Variants in STXBP5L observed in about 807,000 individuals in gnomAD.
STXBP5L encodes the protein syntaxin-binding protein 5-like.
STXBP5L carries 65 observed loss-of-function variants against 144.5 expected under a neutral mutation model. The observed-to-expected ratio is 0.45, with a 90% CI of 0.37 to 0.55. The LOEUF (loss-of-function observed/expected upper bound fraction) is 0.55. STXBP5L is among the 20% of genes least tolerant of loss of function. The pLI, the probability that STXBP5L is intolerant of heterozygous loss-of-function variation, is 0.00. For missense variants in STXBP5L, 1,298 were observed against 1,405.5 expected, an observed-to-expected ratio of 0.92 and a Z score of 1.22; for synonymous variants, 505 against 469.6, an observed-to-expected ratio of 1.08 and a Z score of -0.97.
intron 9 of STXBP5L, among the ~76,000 whole-genome samples, chr3:121,172,773 G>A (rs1375183075): frequency 1.3e-5 from 2 of 152,198 alleles, no homozygotes; most frequent in South Asian, 2.1e-4. Flanking sequence ...ACCCTGTGGT[G>A]ATTCCTCAAG....
Position 120,978,874 on chromosome 3 carries a change from C to T in STXBP5L, c.287+23837C>T, listed in dbSNP as rs532302952. The stretch of plus-strand genomic sequence containing the variant: ...CAGAACAGCAGATTTTCGTGAACCG[C>T]GAATGCTGCTGTCTGATCGTTCCTC... On this transcript the variant is annotated intron_variant, in intron 3 of 26. Transcript: ENST00000471454. Among the ~76,000 whole-genome samples the T allele has an allele frequency of 4.0e-3, 610 of 152,242 alleles. 2 individuals carry two copies. The highest frequency in any genetic ancestry group is 4.1e-3 in the Non-Finnish European group (280 of 68,020).
intron 9 of STXBP5L, among the ~76,000 whole-genome samples, chr3:121,178,824 C>A (rs2047031557): frequency 1.3e-5 from 2 of 152,162 alleles, no homozygotes; most frequent in African/African-American, 4.8e-5. Context: ...TACAGGCACC[C>A]TGAGGGAAGG....
At chr3:121,350,201 T>TG (rs2045215388) in intron 20 of STXBP5L, among the ~76,000 whole-genome samples, 1 of 152,184 alleles carries the variant, frequency 6.6e-6, no homozygotes, top group African/African-American at 2.4e-5. Flanking sequence ...AGGATCTTAT[T>TG]TCTCCTTCAC....
chr3:121,345,802 G>C (rs1559999759), intron 20 of STXBP5L, among the ~76,000 whole-genome samples: 1 of 152,006 alleles, frequency 6.6e-6, no homozygotes, highest in African/African-American at 2.4e-5. Flanking sequence ...CTGCATAGAA[G>C]TCTTCTTTTT....
intron 20 of STXBP5L, among the ~76,000 whole-genome samples, chr3:121,373,387 G>T: frequency 6.6e-6 from 1 of 152,208 alleles, no homozygotes; most frequent in Non-Finnish European, 1.5e-5. Flanking sequence ...CCACAAGACT[G>T]CATTGTTTCA....
At chr3:121,119,970 T>C (rs1008249236) in intron 6 of STXBP5L, among the ~76,000 whole-genome samples, 2 of 151,274 alleles carry the variant, frequency 1.3e-5, no homozygotes, top group African/African-American at 4.8e-5. Flanking sequence ...CCGAGTAGTG[T>C]TTCCCAAAAC....
At chr3:120,987,882 C>T (rs925375445) in intron 3 of STXBP5L, among the ~76,000 whole-genome samples, 2 of 151,530 alleles carry the variant, frequency 1.3e-5, no homozygotes, top group Non-Finnish European at 3.0e-5. Context: ...CTTGTTAATT[C>T]TTTGTTAAAT....
intron 7 of STXBP5L, among the ~76,000 whole-genome samples, chr3:121,143,906 A>G (rs1423625325): frequency 1.3e-5 from 2 of 151,892 alleles, no homozygotes; most frequent in Admixed American, 6.6e-5. Context: ...GAAAAGCTTC[A>G]TGACGCTGGT....
chr3:121,079,920 T>C (rs2042179815), intron 5 of STXBP5L, among the ~76,000 whole-genome samples: 1 of 152,162 alleles, frequency 6.6e-6, no homozygotes, highest in Admixed American at 6.5e-5. Flanking sequence ...GTCAGTGGAG[T>C]ATTGAAGTGC....
intron 22 of STXBP5L, among the ~76,000 whole-genome samples, chr3:121,387,726 T>A (rs1416283801): frequency 6.6e-6 from 1 of 152,164 alleles, no homozygotes; most frequent in Non-Finnish European, 1.5e-5. Flanking sequence ...ATGTGTGATG[T>A]TATTTCTGAA....
At chr3:120,995,378 G>T (rs759499525) in intron 3 of STXBP5L, among the ~76,000 whole-genome samples, 1 of 151,996 alleles carries the variant, frequency 6.6e-6, no homozygotes, top group Non-Finnish European at 1.5e-5. Context: ...GAACTCCTGG[G>T]CTCAAGTGAT....
chr3:121,264,410 T>A (rs1250078122), intron 18 of STXBP5L, among the ~76,000 whole-genome samples: 1 of 151,958 alleles, frequency 6.6e-6, no homozygotes, highest in African/African-American at 2.4e-5. Flanking sequence ...AACATACCCA[T>A]TCTAAAGGAA....
At chr3:121,105,661 C>T (rs945611777) in intron 5 of STXBP5L, among the ~76,000 whole-genome samples, 3 of 151,684 alleles carry the variant, frequency 2.0e-5, no homozygotes, top group Middle Eastern at 3.4e-3. Context: ...CCTTAAATAA[C>T]TTTTGATTTA....
chr3:121,014,260 A>T (rs1944983964), intron 3 of STXBP5L, among the ~76,000 whole-genome samples: 1 of 151,980 alleles, frequency 6.6e-6, no homozygotes, highest in African/African-American at 2.4e-5. Flanking sequence ...AATTCTTCCA[A>T]TCCATGAATA....
intron 8 of STXBP5L, among the ~76,000 whole-genome samples, chr3:121,153,294 T>TG (rs2045995413): frequency 6.6e-6 from 1 of 151,964 alleles, no homozygotes; most frequent in African/African-American, 2.4e-5. Flanking sequence ...ACCGTAAAAC[T>TG]GGGGGCAACA....
intron 22 of STXBP5L, among the ~76,000 whole-genome samples, chr3:121,389,944 T>A (rs2046534087): frequency 6.6e-6 from 1 of 152,204 alleles, no homozygotes; most frequent in Admixed American, 6.5e-5. Flanking sequence ...ATATCCTTGT[T>A]AACCTTCTGT....
At chr3:120,995,011 A>G (rs555006808) in intron 3 of STXBP5L, among the ~76,000 whole-genome samples, 22 of 152,104 alleles carry the variant, frequency 1.4e-4, no homozygotes, top group African/African-American at 4.6e-4. Context: ...GGGAGGTTTT[A>G]TGTAACCAGG....
intron 3 of STXBP5L, among the ~76,000 whole-genome samples, chr3:121,022,148 G>A (rs563479522): frequency 6.6e-6 from 1 of 152,102 alleles, no homozygotes; most frequent in African/African-American, 2.4e-5. Context: ...ACCTTTATGT[G>A]CATAAACTAG....
intron 10 of STXBP5L, among the ~76,000 whole-genome samples, chr3:121,218,197 AT>A (rs1387636499): frequency 8.4e-5 from 12 of 142,652 alleles, no homozygotes; most frequent in African/African-American, 3.1e-4. Flanking sequence ...TATAGTATAT[AT>A]ATTACTATAT....
Sources: gnomAD v4.1 joint callset for allele counts (sites outside exome capture counted in the v4.1 genomes callset) on GRCh38, gnomAD v4.1.1 for gene constraint, MANE v1.5 for transcripts, NCBI Gene and HGNC (gene_info 2026-07-23, HGNC 2026-07-21) for gene names.